The following ZNF710 variants were observed in gnomAD, a reference collection of about 807,000 sequenced individuals.
ZNF710 encodes zinc finger protein 710.
In ZNF710, 13 loss-of-function variants were observed where a neutral mutation model predicts 50.6. The observed-to-expected ratio is 0.26, with a 90% CI of 0.17 to 0.41. The LOEUF (loss-of-function observed/expected upper bound fraction) is 0.41. ZNF710 is among the 10% of genes least tolerant of loss of function. The pLI is 1.00. For missense variants in ZNF710, 721 were observed against 936.6 expected (o/e 0.77, Z 3.01); for synonymous variants, 383 against 397.0 (o/e 0.96, Z 0.42).
chr15:90,026,281 A>G (rs1323508761), intron 1 of ZNF710, among the ~76,000 whole-genome samples: 1 of 149,778 alleles, frequency 6.7e-6, no homozygotes, highest in Admixed American at 6.6e-5. Flanking sequence ...AAAAAAAAAA[A>G]GGGAATGAGA....
chr15:90,053,410 G>A (rs2151510014), intron 1 of ZNF710, among the ~76,000 whole-genome samples: 1 of 151,444 alleles, frequency 6.6e-6, no homozygotes, highest in South Asian at 2.1e-4. Flanking sequence ...GTACAGTGGT[G>A]TGATCACGGC....
intron 1 of ZNF710, among the ~76,000 whole-genome samples, chr15:90,033,357 G>A (rs918711191): frequency 1.3e-5 from 2 of 152,192 alleles, no homozygotes; most frequent in Admixed American, 1.3e-4. Context: ...TAAAGGTGGG[G>A]AAAGTTTGCA....
At chr15:90,027,367 A>G (rs557435647) in intron 1 of ZNF710, among the ~76,000 whole-genome samples, 3 of 151,864 alleles carry the variant, frequency 2.0e-5, no homozygotes, top group Non-Finnish European at 2.9e-5. Context: ...TGTGCCACCA[A>G]CCCGGCTAAT....
At position 90,034,806 on chromosome 15, in the gene ZNF710, G is replaced by A. The variant is rs1367399393; in HGVS notation, c.-28-32304G>A. ...CAGGTGCATTTCCTTTGCACACCTG[G>A]CGCCTGTTGGGGACTTAGACCTCTT... is the stretch of plus-strand genomic sequence containing the variant. On this transcript the variant is annotated intron_variant, in intron 1 of 4. Coordinates refer to ENST00000268154, the MANE Select transcript of ZNF710 (RefSeq NM_198526.4). This position sits in a 1 kb window ranked among gnomAD's most constrained non-coding sequence, Gnocchi z 4.0. Among the ~76,000 whole-genome samples, 1 of 152,230 alleles carries A rather than the reference G, an allele frequency of 6.6e-6. No individual in the cohort carries two copies. The highest frequency in any genetic ancestry group is 1.9e-4 in the East Asian group (1 of 5,196).
intron 1 of ZNF710, among the ~76,000 whole-genome samples, chr15:90,043,752 C>G (rs1304763143): frequency 6.6e-6 from 1 of 152,152 alleles, no homozygotes; most frequent in Admixed American, 6.5e-5. Flanking sequence ...CTAGAACATT[C>G]TTTCTTTCAA....
intron 1 of ZNF710, among the ~76,000 whole-genome samples, chr15:90,043,722 C>G (rs1426608677): frequency 6.6e-6 from 1 of 152,156 alleles, no homozygotes; most frequent in Non-Finnish European, 1.5e-5. Flanking sequence ...GGCCTTTCTC[C>G]CCTGCACGCT....
At chr15:90,079,455 G>A (rs1450083821) in intron 4 of ZNF710, among the ~76,000 whole-genome samples, 2 of 152,224 alleles carry the variant, frequency 1.3e-5, no homozygotes, top group African/African-American at 4.8e-5. Flanking sequence ...CCCACACTCA[G>A]CTTTGGGGCC....
intron 2 of ZNF710, among the ~76,000 whole-genome samples, chr15:90,071,677 C>CTTTTTTTTTTTTTTTTTTTTT (rs201729973): frequency 1.6e-5 from 2 of 127,260 alleles, no homozygotes; most frequent in African/African-American, 5.8e-5. Context: ...TTTATTTTTA[C>CTTTTTTTTTTTTTTTTTTTTT]TCTTTTTTTT....
At chr15:90,012,831 A>AT (rs534525187) in intron 1 of ZNF710, among the ~76,000 whole-genome samples, 12 of 150,914 alleles carry the variant, frequency 8.0e-5, no homozygotes, top group East Asian at 5.8e-4. Flanking sequence ...GTGAATGATT[A>AT]TTTTTTTTTA....
intron 1 of ZNF710, among the ~76,000 whole-genome samples, chr15:90,018,090 T>C (rs1259711023): frequency 2.6e-5 from 4 of 152,132 alleles, no homozygotes; most frequent in Non-Finnish European, 4.4e-5. Context: ...TAACATCAGC[T>C]GTGTTCTTTT....
chr15:90,005,215 A>G (rs1006791987), intron 1 of ZNF710, among the ~76,000 whole-genome samples: 1 of 152,128 alleles, frequency 6.6e-6, no homozygotes, highest in Non-Finnish European at 1.5e-5. Context: ...CCCTCAGTAG[A>G]TACTTGCTGA....
At chr15:90,064,510 C>CA (rs1268695218) in intron 1 of ZNF710, among the ~76,000 whole-genome samples, 1 of 152,164 alleles carries the variant, frequency 6.6e-6, no homozygotes. Flanking sequence ...TCCTTTGAGA[C>CA]AGAGTCTCAC....
chr15:90,043,819 T>C (rs1054955940), intron 1 of ZNF710, among the ~76,000 whole-genome samples: 4 of 152,186 alleles, frequency 2.6e-5, no homozygotes, highest in Admixed American at 6.5e-5. Flanking sequence ...CCCTTCACTT[T>C]TGCCTTTCAT....
At chr15:90,038,278 C>G (rs1340648747) in intron 1 of ZNF710, among the ~76,000 whole-genome samples, 1 of 152,222 alleles carries the variant, frequency 6.6e-6, no homozygotes, top group Non-Finnish European at 1.5e-5. Context: ...AAGAATAAGT[C>G]ACAACTCACC....
intron 1 of ZNF710, among the ~76,000 whole-genome samples, chr15:90,056,203 A>T (rs1365356291): frequency 2.0e-5 from 3 of 152,056 alleles, no homozygotes; most frequent in African/African-American, 4.8e-5. Flanking sequence ...TGAGGTCGGA[A>T]GTTCAAGACC....
Position 90,034,111 on chromosome 15 carries a change from T to A in ZNF710, c.-29+32497T>A, listed in dbSNP as rs1899031940. Among the ~76,000 whole-genome samples the A allele has an allele frequency of 6.6e-6, 1 of 151,730 alleles. No individual in the cohort carries two copies. The highest frequency in any genetic ancestry group is 2.4e-5 in the African/African-American group (1 of 41,248). On this transcript the variant is annotated intron_variant, in intron 1 of 4. Coordinates refer to ENST00000268154, the MANE Select transcript of ZNF710 (RefSeq NM_198526.4). This position sits in a 1 kb window ranked among gnomAD's most constrained non-coding sequence, Gnocchi z 4.0. ...TACTCGGGAGGCTGAGGTGGGAGAA[T>A]CGCTTGAACCCAGGAGGCAGAGGTT...
At chr15:90,048,355 T>G (rs1163132218) in intron 1 of ZNF710, among the ~76,000 whole-genome samples, 1 of 152,208 alleles carries the variant, frequency 6.6e-6, no homozygotes. Flanking sequence ...TGGGGGCATT[T>G]GGAGGAGAGA....
Position 90,067,206 on chromosome 15 carries a change from C to T in ZNF710, c.69C>T (p.Ala23=), listed in dbSNP as rs145448380. 24 of 1,613,678 alleles carry T rather than the reference C, an allele frequency of 1.5e-5. No individual in the cohort carries two copies. The highest frequency in any genetic ancestry group is 1.6e-4 in the Middle Eastern group (1 of 6,084). ...TGGTGCTGTCCTTGGCTCAGGCCGC[C>T]GTGCTTGGCCTGGTCTCCGAAAATG... ...AVVVLSLAQA[A]VLGLVSENEL... is the part of the protein sequence containing the mutation. The change falls in exon 2 of 5, where the codon GCC becomes GCT. Residue 23 remains alanine (A), a synonymous_variant. Transcript: ENST00000268154. The surrounding 1 kb of genome is among the most constrained non-coding windows in gnomAD (Gnocchi z 8.1).
intron 1 of ZNF710, among the ~76,000 whole-genome samples, chr15:90,060,563 A>G (rs1034999311): frequency 6.6e-6 from 1 of 152,046 alleles, no homozygotes; most frequent in African/African-American, 2.4e-5. Context: ...TTAAAAAAAT[A>G]AAAAGTCAGG....
Sources: gnomAD v4.1 joint callset for allele counts (sites outside exome capture counted in the v4.1 genomes callset) on GRCh38, gnomAD v4.1.1 for gene constraint, Gnocchi (gnomAD v3.1) non-coding constraint, MANE v1.5 for transcripts, NCBI Gene and HGNC (gene_info 2026-07-23, HGNC 2026-07-21) for gene names.